TLL1: variants seen among roughly 807,000 people sequenced by gnomAD.
TLL1 encodes the protein tolloid-like protein 1.
Under a neutral mutation model 128.2 loss-of-function variants are expected in TLL1, and 49 were observed. The observed-to-expected ratio is 0.38, with a 90% CI of 0.30 to 0.48. The LOEUF (loss-of-function observed/expected upper bound fraction) is 0.48, where lower values mean the gene tolerates loss of function less well. TLL1 is among the 20% of genes least tolerant of loss of function. The pLI, the probability that TLL1 is intolerant of heterozygous loss-of-function variation, is 0.96. For missense variants in TLL1, 1,123 were observed against 1,242.0 expected, an observed-to-expected ratio of 0.90 and a Z score of 1.44; for synonymous variants, 454 against 418.8, an observed-to-expected ratio of 1.08 and a Z score of -1.03.
rs1739949546 is a variant in TLL1, at chr4:166,055,230, G to A, written c.1679G>A (p.Gly560Glu). ...NTLWMKFVSDGTVNKAGFAAN... is the reference protein window; with the variant it reads ...NTLWMKFVSDETVNKAGFAAN... Reference sequence around the variant, plus strand: ...TTGTGGATGAAGTTTGTTTCTGACGGAACTGTGAACAAAGCAGGGTTTGCT... The same window carrying A: ...TTGTGGATGAAGTTTGTTTCTGACGAAACTGTGAACAAAGCAGGGTTTGCT... Residue 560 changes from glycine to glutamate, a missense_variant, in exon 13 of 21, where the codon GGA becomes GAA. Gly to Glu is a moderately conservative substitution (Grantham distance 98, BLOSUM62 -2). This residue lies in a region of TLL1 where 634 missense variants were observed against 672.4 expected (regional missense o/e 0.94). Coordinates refer to ENST00000061240, the MANE Select transcript of TLL1 (RefSeq NM_012464.5). The A allele has an allele frequency of 1.2e-6, 2 of 1,613,694 alleles. No individual in the cohort carries two copies. Among genetic ancestry groups the A allele is most frequent in the Non-Finnish European group, 1.7e-6 (2 of 1,179,796 alleles).
Position 166,014,543 on chromosome 4 carries a change from A to G in TLL1, c.1025A>G (p.Lys342Arg), listed in dbSNP as rs1196029423. The change falls in exon 8 of 21, where the codon AAG (lysine) becomes AGG (arginine). Residue 342 changes from lysine to arginine, a missense_variant. Around this residue, in one of 3 missense-constraint regions of TLL1, gnomAD observed 480 missense variants for 542.4 expected, o/e 0.89. Transcript: ENST00000061240. ...AAAGGAGATATCGCACAGGCAAGAAAGCTGTATAGATGTCCAGGTATTGCA... is the reference window on the plus strand; with the variant it reads ...AAAGGAGATATCGCACAGGCAAGAAGGCTGTATAGATGTCCAGGTATTGCA... ...LSKGDIAQAR[K>R]LYRCPACGET... The G allele has an allele frequency of 1.7e-5, 28 of 1,612,108 alleles. No homozygotes were observed. Among genetic ancestry groups the G allele is most frequent in the Non-Finnish European group, 2.4e-5 (28 of 1,178,556 alleles).
rs766769230 is a variant in TLL1, at chr4:166,100,916, T to C, written c.*40T>C. ...TCAGAACACAAAGGAATGTGCATAATGGAGAGAAGACATATTTTTTTTAAA... is the reference window on the plus strand; with the variant it reads ...TCAGAACACAAAGGAATGTGCATAACGGAGAGAAGACATATTTTTTTTAAA... On this transcript the variant is annotated 3_prime_UTR_variant, in exon 21 of 21. Transcript: ENST00000061240. The C allele has an allele frequency of 1.9e-6, 3 of 1,608,450 alleles. No individual in the cohort carries two copies. Among genetic ancestry groups the C allele is most frequent in the South Asian group, 1.1e-5 (1 of 90,534 alleles).
At chr4:165,947,666 T>A (rs2110934029) in intron 1 of TLL1, among the ~76,000 whole-genome samples, 1 of 152,240 alleles carries the variant, frequency 6.6e-6, no homozygotes, top group East Asian at 1.9e-4. Flanking sequence ...TAAAAAACTC[T>A]TTAAAGAGAT....
At chr4:165,960,853 A>G (rs558651651) in intron 1 of TLL1, among the ~76,000 whole-genome samples, 1 of 152,216 alleles carries the variant, frequency 6.6e-6, no homozygotes, top group Admixed American at 6.5e-5. Context: ...AGCCAACATC[A>G]TACTGAACAG....
intron 11 of TLL1, among the ~76,000 whole-genome samples, chr4:166,043,073 T>G (rs1739309710): frequency 6.6e-6 from 1 of 151,000 alleles, no homozygotes; most frequent in African/African-American, 2.4e-5. Context: ...TTGACCATTA[T>G]CTAATATTTG....
At chr4:166,082,891 G>T (rs1210418596) in intron 18 of TLL1, among the ~76,000 whole-genome samples, 1 of 151,978 alleles carries the variant, frequency 6.6e-6, no homozygotes, top group African/African-American at 2.4e-5. Flanking sequence ...TGGCCAGGCT[G>T]GTCTCGAACT....
chr4:166,013,540 G>T (rs999713361), intron 7 of TLL1, among the ~76,000 whole-genome samples: 2 of 151,532 alleles, frequency 1.3e-5, no homozygotes, highest in African/African-American at 4.8e-5. Flanking sequence ...TTTATAGAAA[G>T]GTTTTTTGTT....
chr4:166,062,707 T>C (rs1222372563), intron 15 of TLL1, among the ~76,000 whole-genome samples: 1 of 152,128 alleles, frequency 6.6e-6, no homozygotes, highest in African/African-American at 2.4e-5. Context: ...GAATACCCTT[T>C]ATTTCTTTCT....
intron 15 of TLL1, among the ~76,000 whole-genome samples, chr4:166,064,100 T>G (rs944769488): frequency 6.6e-6 from 1 of 152,122 alleles, no homozygotes; most frequent in African/African-American, 2.4e-5. Context: ...ATGTGTAAGT[T>G]TTATAATGAG....
intron 18 of TLL1, among the ~76,000 whole-genome samples, chr4:166,086,000 T>C (rs1230716228): frequency 6.6e-6 from 1 of 152,148 alleles, no homozygotes. Flanking sequence ...TCTTTCACTG[T>C]GTCTGAGATA....
intron 1 of TLL1, among the ~76,000 whole-genome samples, chr4:165,896,430 T>C (rs1731681756): frequency 6.6e-6 from 1 of 151,748 alleles, no homozygotes; most frequent in Non-Finnish European, 1.5e-5. Context: ...TGATTTATAA[T>C]CCTTTGGGTA....
rs144520374 is a variant in TLL1, at chr4:166,022,403, G to A, written c.1043-2913G>A. ...TGGTCTGGAACTCCTGACCTCAGGT[G>A]TTTTTATTTTATTCAGCCCGCCTTG... On this transcript the variant is annotated intron_variant, in intron 8 of 20. Coordinates refer to ENST00000061240, the MANE Select transcript of TLL1 (RefSeq NM_012464.5). 9.6e-4 allele frequency among the ~76,000 whole-genome samples: 146 copies of A among 152,180 alleles called. 1 individual carries two copies. The Middle Eastern group carries it at 0.017, about 18-fold the overall frequency.
chr4:166,077,172 G>T (rs1741071984), intron 17 of TLL1, among the ~76,000 whole-genome samples: 1 of 151,022 alleles, frequency 6.6e-6, no homozygotes, highest in African/African-American at 2.4e-5. Context: ...AAATGTTTTT[G>T]AAATTTAACA....
At chr4:165,965,064 A>T (rs1182477622) in intron 1 of TLL1, among the ~76,000 whole-genome samples, 1 of 152,076 alleles carries the variant, frequency 6.6e-6, no homozygotes, top group Non-Finnish European at 1.5e-5. Flanking sequence ...AATTATGTTG[A>T]TTGATGTTAT....
intron 8 of TLL1, among the ~76,000 whole-genome samples, chr4:166,024,331 TGATGA>T (rs1302331430): frequency 6.6e-6 from 1 of 152,198 alleles, no homozygotes; most frequent in Non-Finnish European, 1.5e-5. Flanking sequence ...ATTGAGGAGT[TGATGA>T]GATGAGAGTT....
At chr4:166,067,778 A>C (rs1428038465) in intron 16 of TLL1, among the ~76,000 whole-genome samples, 1 of 151,806 alleles carries the variant, frequency 6.6e-6, no homozygotes, top group Non-Finnish European at 1.5e-5. Context: ...AATGAAGTTC[A>C]TGAAGAAATT....
chr4:166,052,400 A>G (rs1236160297), intron 12 of TLL1, among the ~76,000 whole-genome samples: 2 of 152,030 alleles, frequency 1.3e-5, no homozygotes, highest in Non-Finnish European at 2.9e-5. Context: ...GGTTCAAGCA[A>G]TTCTCTGCCT....
rs187803351 is a variant in TLL1, at chr4:166,058,422, A to G, written c.1846+1113A>G. On this transcript the variant is annotated intron_variant, in intron 14 of 20. Coordinates refer to ENST00000061240, the MANE Select transcript of TLL1 (RefSeq NM_012464.5). Reference sequence around the variant, plus strand: ...CAGTCAGACATAAAGCAGGAGATAAATATGTGTTTTATCAATAAAAGATTG... The same window carrying G: ...CAGTCAGACATAAAGCAGGAGATAAGTATGTGTTTTATCAATAAAAGATTG... Among the ~76,000 whole-genome samples the G allele has an allele frequency of 3.3e-4, 51 of 152,312 alleles. No individual in the cohort carries two copies. In the East Asian group the frequency reaches 7.7e-3, roughly 23 times the overall value.
chr4:165,996,171 T>C (rs1736865380), intron 5 of TLL1, among the ~76,000 whole-genome samples: 1 of 152,136 alleles, frequency 6.6e-6, no homozygotes, highest in African/African-American at 2.4e-5. Flanking sequence ...CTCCTACCCA[T>C]AGCTGTAATC....
Sources: gnomAD v4.1 joint callset for allele counts (sites outside exome capture counted in the v4.1 genomes callset) on GRCh38, gnomAD v4.1.1 for gene constraint, gnomAD v4.1.1 regional missense constraint, MANE v1.5 for transcripts, NCBI Gene and HGNC (gene_info 2026-07-23, HGNC 2026-07-21) for gene names.